Variants in DCAF17 observed in about 807,000 individuals in gnomAD.
DCAF17 encodes DDB1 and CUL4 associated factor 17.
A neutral mutation model predicts 66.0 loss-of-function variants in DCAF17; 48 were observed. That is an observed-to-expected ratio of 0.73 (90% CI 0.58 to 0.92). DCAF17 has a LOEUF of 0.92. Ranked by LOEUF, DCAF17 falls within the 40% of genes least tolerant of loss-of-function variation. The pLI is 0.00. For missense variants in DCAF17, 562 were observed against 622.8 expected (o/e 0.90, Z 1.04); for synonymous variants, 206 against 214.6 (o/e 0.96, Z 0.35).
intron 8 of DCAF17, among the ~76,000 whole-genome samples, chr2:171,459,474 TTTTC>T (rs1175568005): frequency 8.5e-5 from 13 of 152,134 alleles, no homozygotes; most frequent in Non-Finnish European, 1.9e-4. Flanking sequence ...AAAGAGAAAA[TTTTC>T]TTTATTATCC....
chr2:171,450,899 A>G (rs1694913615), intron 5 of DCAF17, among the ~76,000 whole-genome samples: 1 of 152,156 alleles, frequency 6.6e-6, no homozygotes, highest in Non-Finnish European at 1.5e-5. Context: ...TAACTTATCC[A>G]GCATCATAGT....
At chr2:171,472,236 G>A (rs1415669542) in intron 9 of DCAF17, among the ~76,000 whole-genome samples, 2 of 152,026 alleles carry the variant, frequency 1.3e-5, no homozygotes, top group Admixed American at 1.3e-4. Flanking sequence ...CTGGAGTGCA[G>A]TGGCACGATC....
rs1181979395 is a variant in DCAF17 at position 171,482,712 on chromosome 2, G to T, written c.*1598G>T. ...TATTGAGTTTCTCCTTCTCCTTTAA[G>T]TCATCACCTTCCTTTTATGAAATGA... On this transcript the variant is annotated 3_prime_UTR_variant, in exon 14 of 14. Coordinates refer to ENST00000375255, the MANE Select transcript of DCAF17 (RefSeq NM_025000.4). 6.6e-6 allele frequency: 3 copies of T among 452,740 alleles called. No individual in the cohort carries two copies. Among genetic ancestry groups the T allele is most frequent in the Non-Finnish European group, 1.3e-5 (3 of 226,462 alleles). 28.0% of individuals were successfully genotyped at this position (452,740 alleles called of 1,614,324 possible). A position where few individuals can be genotyped will look rare whatever the true frequency, so the allele number is the denominator to read the frequency against.
chr2:171,454,653 T>A (rs1000907472), intron 6 of DCAF17, among the ~76,000 whole-genome samples: 2 of 152,042 alleles, frequency 1.3e-5, no homozygotes, highest in African/African-American at 2.4e-5. Context: ...TTTCAGCACT[T>A]TGGGAGGCTG....
At chr2:171,455,152 C>G (rs1695182869) in intron 6 of DCAF17, among the ~76,000 whole-genome samples, 1 of 149,368 alleles carries the variant, frequency 6.7e-6, no homozygotes, top group Non-Finnish European at 1.5e-5. Flanking sequence ...CCTCCACCCT[C>G]CGATAGGCCC....
chr2:171,444,321 T>C (rs969921419), intron 3 of DCAF17, among the ~76,000 whole-genome samples: 4 of 152,220 alleles, frequency 2.6e-5, no homozygotes, highest in Admixed American at 6.5e-5. Context: ...TAAGTACAGG[T>C]TGAGCATCCC....
At chr2:171,480,221 T>A (rs781660960) in intron 13 of DCAF17, 28 bp downstream of exon 13, 26 of 1,610,858 alleles carry the variant, frequency 1.6e-5, no homozygotes, top group Non-Finnish European at 1.9e-5. Context: ...GATACAAAGT[T>A]GTAAACCTTT....
At chr2:171,480,297 C>T (rs1021888947) in intron 13 of DCAF17, 104 bp downstream of exon 13, 2 of 1,401,188 alleles carry the variant, frequency 1.4e-6, no homozygotes, top group Admixed American at 3.8e-5. Flanking sequence ...CTCACCTATG[C>T]CAATGACCAT....
Position 171,458,238 on chromosome 2 carries a change from G to A in DCAF17, c.733-134G>A, listed in dbSNP as rs749277004. 2.1e-4 allele frequency: 213 copies of A among 1,020,918 alleles called. 2 individuals are homozygous for A. The highest frequency in any genetic ancestry group is 2.9e-4 in the South Asian group (22 of 75,558). The allele number at this position is 1,020,918 out of a possible 1,614,324, so 63.2% of individuals were successfully genotyped here. On this transcript the variant is annotated intron_variant, in intron 7 of 13. Transcript: ENST00000375255. ...GACAAGTAACCTTTAAAGCAGGGGT[G>A]GGGAAGATAAACAGAAAGGCCATTG...
Position 171,458,088 on chromosome 2 carries a change from G to A in DCAF17, c.732+13G>A, listed in dbSNP as rs982496594. 1 of 1,606,110 alleles carries A rather than the reference G, an allele frequency of 6.2e-7. No homozygotes were observed. The highest frequency in any genetic ancestry group is 8.5e-7 in the Non-Finnish European group (1 of 1,173,218). On this transcript the variant is annotated intron_variant, in intron 7 of 13. Coordinates refer to ENST00000375255, the MANE Select transcript of DCAF17 (RefSeq NM_025000.4). ...CATCGCTGAACAGGTAGAGAAAACT[G>A]AAATTTGTCATGTTACTATTAGCAT...
rs1696835020 is a variant in DCAF17 at position 171,483,662 on chromosome 2, A to G, written c.*2548A>G. ...TATCTTACAGTTCTTTTTTTAAATA[A>G]TATATTTATTGAGCACTTTCTATCT... On this transcript the variant is annotated 3_prime_UTR_variant, in exon 14 of 14. Coordinates refer to ENST00000375255, the MANE Select transcript of DCAF17 (RefSeq NM_025000.4). 1 of 453,734 alleles carries G rather than the reference A, an allele frequency of 2.2e-6. No homozygotes were observed. The highest frequency in any genetic ancestry group is 2.0e-5 in the African/African-American group (1 of 49,960). The allele number at this position is 453,734 out of a possible 1,614,324, so 28.1% of individuals were successfully genotyped here. A position where few individuals can be genotyped will look rare whatever the true frequency, so the allele number is the denominator to read the frequency against.
Position 171,434,300 on chromosome 2 carries a change from G to A in DCAF17, c.-278G>A, listed in dbSNP as rs527577790. 3.5e-5 allele frequency: 21 copies of A among 608,396 alleles called. No individual in the cohort carries two copies. The highest frequency in any genetic ancestry group is 2.7e-4 in the African/African-American group (15 of 54,662). The allele number at this position is 608,396 out of a possible 1,614,324, so 37.7% of individuals were successfully genotyped here. A position where few individuals can be genotyped will look rare whatever the true frequency, so the allele number is the denominator to read the frequency against. On this transcript the variant is annotated 5_prime_UTR_variant, in exon 1 of 14. Transcript: ENST00000375255. ...GAGAGCGGCTCCGGCCGGCCGCGCGGTACCGGAGCGTCGCACTGTCAGCGG... is the reference window on the plus strand; with the variant it reads ...GAGAGCGGCTCCGGCCGGCCGCGCGATACCGGAGCGTCGCACTGTCAGCGG...
intron 3 of DCAF17, among the ~76,000 whole-genome samples, chr2:171,444,011 AAAAAT>A (rs1200055808): frequency 6.6e-6 from 1 of 152,194 alleles, no homozygotes; most frequent in African/African-American, 2.4e-5. Context: ...GGAAAATAAT[AAAAAT>A]AAAATAATAG....
intron 5 of DCAF17, among the ~76,000 whole-genome samples, chr2:171,450,789 T>C (rs1213212819): frequency 2.0e-5 from 3 of 152,296 alleles, no homozygotes; most frequent in East Asian, 1.9e-4. Context: ...CTGAGTTCTT[T>C]ACCTGTATTT....
intron 9 of DCAF17, among the ~76,000 whole-genome samples, chr2:171,469,252 G>C (rs1559285314): frequency 6.6e-6 from 1 of 152,152 alleles, no homozygotes; most frequent in African/African-American, 2.4e-5. Flanking sequence ...ATAGCAACAA[G>C]AATTTTATAG....
rs144095736 is a variant in DCAF17 at position 171,468,702 on chromosome 2, G to C, written c.839-186G>C. Among the ~76,000 whole-genome samples, 42 of 152,240 alleles carry C rather than the reference G, an allele frequency of 2.8e-4. No individual in the cohort carries two copies. The East Asian group carries it at 7.1e-3, about 26-fold the overall frequency. On this transcript the variant is annotated intron_variant, in intron 8 of 13. Transcript: ENST00000375255. ...GTTGATTCAGCCTAATTTAGGTTCCGACTGGCTGTTTCTTTTCTTACAATA... is the reference window on the plus strand; with the variant it reads ...GTTGATTCAGCCTAATTTAGGTTCCCACTGGCTGTTTCTTTTCTTACAATA...
At chr2:171,462,066 A>G (rs1463348933) in intron 8 of DCAF17, among the ~76,000 whole-genome samples, 1 of 152,198 alleles carries the variant, frequency 6.6e-6, no homozygotes, top group Non-Finnish European at 1.5e-5. Flanking sequence ...TTGTGAAAAC[A>G]ACAAAGTTGT....
At chr2:171,477,408 C>A (rs1274838768) in intron 11 of DCAF17, among the ~76,000 whole-genome samples, 1 of 152,000 alleles carries the variant, frequency 6.6e-6, no homozygotes, top group Non-Finnish European at 1.5e-5. Context: ...TATACTAAGG[C>A]AAAAGTCAGG....
intron 6 of DCAF17, among the ~76,000 whole-genome samples, chr2:171,456,877 T>C (rs1695290441): frequency 1.3e-5 from 2 of 152,232 alleles, no homozygotes; most frequent in African/African-American, 4.8e-5. Flanking sequence ...AAGAAGCTTT[T>C]GGATTAGACA....
Sources: gnomAD v4.1 joint callset for allele counts (sites outside exome capture counted in the v4.1 genomes callset) on GRCh38, gnomAD v4.1.1 for gene constraint, MANE v1.5 for transcripts, NCBI Gene and HGNC (gene_info 2026-07-23, HGNC 2026-07-21) for gene names.